Variants in CHD4 observed in about 807,000 individuals in gnomAD.
CHD4 encodes chromodomain helicase DNA binding protein 4.
In CHD4, 35 loss-of-function variants were observed where a neutral mutation model predicts 235.5. The ratio of observed to expected loss-of-function variants is 0.15; its 90% CI spans 0.11 to 0.20. The LOEUF is 0.20. Ranked by LOEUF, CHD4 falls within the 10% of genes least tolerant of loss-of-function variation. The pLI is 1.00. For synonymous variants in CHD4, 900 were observed against 850.2 expected, an observed-to-expected ratio of 1.06 and a Z score of -1.02; for missense variants, 1,329 against 2,432.3, an observed-to-expected ratio of 0.55 and a Z score of 9.54.
intron 2 of CHD4, among the ~76,000 whole-genome samples, chr12:6,605,261 G>GA (rs1169510517): frequency 9.9e-5 from 15 of 152,008 alleles, no homozygotes; most frequent in African/African-American, 3.6e-4. Context: ...ACTAGAAGCA[G>GA]AAGGAATGAA....
intron 37 of CHD4, among the ~76,000 whole-genome samples, chr12:6,573,628 TA>T (rs1473641736): frequency 6.6e-6 from 1 of 152,240 alleles, no homozygotes; most frequent in Non-Finnish European, 1.5e-5. Context: ...GTTTTTTACA[TA>T]ACTGAGATCA....
At chr12:6,599,195 G>A (rs938588993) in intron 10 of CHD4, among the ~76,000 whole-genome samples, 3 of 152,182 alleles carry the variant, frequency 2.0e-5, no homozygotes, top group African/African-American at 4.8e-5. Context: ...ACTTAATGAG[G>A]ACAAGGGAGC....
In CHD4 at chr12:6,600,516, T is replaced by C. The variant is rs1368244231; in HGVS notation, c.1063+18A>G. 9 of 1,517,700 alleles carry C rather than the reference T, an allele frequency of 5.9e-6. No individual in the cohort carries two copies. The highest frequency in any genetic ancestry group is 8.0e-6 in the Non-Finnish European group (9 of 1,122,598). The allele number at this position is 1,517,700 out of a possible 1,614,324, so 94.0% of individuals were successfully genotyped here. A position where few individuals can be genotyped will look rare whatever the true frequency, so the allele number is the denominator to read the frequency against. ...CTCCCACCTCATCCCATCACAAATA[T>C]ACAGAAGAGAAACACACCTTTCTTT... On this transcript the variant is annotated intron_variant, in intron 8 of 39. Transcript: ENST00000544040.
At chr12:6,572,895 G>T in intron 38 of CHD4, 179 bp downstream of exon 38, 4 of 538,938 alleles carry the variant, frequency 7.4e-6, no homozygotes, top group Non-Finnish European at 1.2e-5. Context: ...AAAAGGCAAA[G>T]AACTACTGTC....
At position 6,606,223 on chromosome 12, in the gene CHD4, G is replaced by A. The variant is rs377091231; in HGVS notation, c.100+51C>T. 205 of 1,261,378 alleles carry A rather than the reference G, an allele frequency of 1.6e-4. 2 individuals carry two copies. Among genetic ancestry groups the A allele is most frequent in the South Asian group, 1.5e-3 (119 of 78,170 alleles). The allele number at this position is 1,261,378 out of a possible 1,614,324, so 78.1% of individuals were successfully genotyped here. On this transcript the variant is annotated intron_variant, in intron 2 of 39. Coordinates refer to ENST00000544040, the MANE Select transcript of CHD4 (RefSeq NM_001273.5). Reference sequence around the variant, plus strand: ...CTGCCTCACCAGAGGAGTCACTCGGGAGAGCCCCAGATGTCTCCTTCCCGC... The same window carrying A: ...CTGCCTCACCAGAGGAGTCACTCGGAAGAGCCCCAGATGTCTCCTTCCCGC...
rs980812283 is a variant in CHD4 at position 6,593,340 on chromosome 12, G to A, written c.2514+76C>T. ...AGGGTTACCCTTTTGCCTCACCAGG[G>A]ACCAGATCACAAGGAGGTAAACTAA... On this transcript the variant is annotated intron_variant, in intron 16 of 39. Coordinates refer to ENST00000544040, the MANE Select transcript of CHD4 (RefSeq NM_001273.5). The surrounding 1 kb of genome is among the most constrained non-coding windows in gnomAD (Gnocchi z 4.9). 1.9e-6 allele frequency: 3 copies of A among 1,597,220 alleles called. No individual in the cohort carries two copies. Among genetic ancestry groups the A allele is most frequent in the African/African-American group, 1.3e-5 (1 of 74,650 alleles).
At chr12:6,580,749 C>T (rs1280471232) in intron 33 of CHD4, 1 of 327,036 alleles carries the variant, frequency 3.1e-6, no homozygotes, top group African/African-American at 2.3e-5. Flanking sequence ...TGGCTCATGC[C>T]TGTAATCCCA....
At chr12:6,589,486 C>T (rs1948354864) in intron 22 of CHD4, among the ~76,000 whole-genome samples, 1 of 152,090 alleles carries the variant, frequency 6.6e-6, no homozygotes, top group Non-Finnish European at 1.5e-5. Context: ...GACACATCAT[C>T]GACTGGGCGT....
At chr12:6,591,173 A>G (rs1470219882) in intron 22 of CHD4, 1 of 224,244 alleles carries the variant, frequency 4.5e-6, no homozygotes, top group Non-Finnish European at 8.7e-6. Context: ...CTACTGAGGC[A>G]GACAAGTCTG....
In CHD4 at chr12:6,602,002, C is replaced by A; in HGVS notation, c.396G>T (p.Arg132=). 6.2e-7 allele frequency: 1 copy of A among 1,610,892 alleles called. No homozygotes were observed. ...CATCCTCCTCCTCCTCCTCCTCCTT[C>A]CGCTTGGATTTGCTCTTCTTCTCTT... is the stretch of plus-strand genomic sequence containing the variant. ...PKKEKKSKSK[R]KEEEEEEDDD... Residue 132 remains arginine (R), a synonymous_variant, in exon 4 of 40, where the codon CGG becomes CGT. Transcript: ENST00000544040.
Position 6,598,014 on chromosome 12 carries a change from TCAC to T in CHD4, c.1769_1771del (p.Gly590del). Reference sequence around the variant, plus strand: ...CTTTCGCTTTCGGCTTTTCTCTTCATCACCACCAAAGTCCCCAGAAGGTGGCTC... The same window carrying T: ...CTTTCGCTTTCGGCTTTTCTCTTCATCACCAAAGTCCCCAGAAGGTGGCTC... On this transcript the variant is annotated inframe_deletion, in exon 12 of 40. Transcript: ENST00000544040. 6.2e-6 allele frequency: 10 copies of T among 1,614,230 alleles called. No homozygotes were observed. The highest frequency in any genetic ancestry group is 7.6e-6 in the Non-Finnish European group (9 of 1,180,046).
chr12:6,597,803 A>G, intron 12 of CHD4, 91 bp downstream of exon 12: 1 of 1,147,732 alleles, frequency 8.7e-7, no homozygotes, highest in South Asian at 1.3e-5. Flanking sequence ...GTGTCTTCCA[A>G]GTCTAAGTTA....
At chr12:6,574,820 A>G (rs1948040445) in intron 37 of CHD4, among the ~76,000 whole-genome samples, 2 of 152,158 alleles carry the variant, frequency 1.3e-5, no homozygotes, top group Admixed American at 6.5e-5. Context: ...TTTCAGTCTC[A>G]CTCATTCTGT....
intron 6 of CHD4, 51 bp from the exon 7 acceptor site, chr12:6,601,104 A>G: frequency 6.6e-7 from 1 of 1,525,470 alleles, no homozygotes; most frequent in South Asian, 1.3e-5. Context: ...AGATGGGGAA[A>G]ATAAAATCTT....
intron 24 of CHD4, 76 bp downstream of exon 24, chr12:6,587,636 C>T: frequency 6.2e-7 from 1 of 1,605,648 alleles, no homozygotes; most frequent in Non-Finnish European, 8.5e-7. Context: ...CCACAAGACC[C>T]TTGGTATCAA....
At chr12:6,585,814 G>T (rs997734370) in intron 25 of CHD4, among the ~76,000 whole-genome samples, 30 of 150,270 alleles carry the variant, frequency 2.0e-4, no homozygotes, top group African/African-American at 7.1e-4. Flanking sequence ...CACACACAAA[G>T]AGGCCAGGCG....
intron 15 of CHD4, among the ~76,000 whole-genome samples, chr12:6,594,211 T>C (rs1193120116): frequency 6.6e-6 from 1 of 152,182 alleles, no homozygotes; most frequent in Non-Finnish European, 1.5e-5. Context: ...TGATACTCTA[T>C]GGATCCACTG....
At position 6,593,428 on chromosome 12, in the gene CHD4, G is replaced by T. The variant is rs749373617; in HGVS notation, c.2502C>A (p.Ala834=). The change falls in exon 16 of 40, where the codon GCC becomes GCA. Residue 834 remains alanine, a synonymous_variant. Transcript: ENST00000544040. This position sits in a 1 kb window ranked among gnomAD's most constrained non-coding sequence, Gnocchi z 4.9. ...EDNAIRGGKK[A]SRMKKEASVK... ...TCCCCTGAGATACCTTCATGCGGGA[G>T]GCCTTCTTGCCACCACGAATGGCAT... The T allele has an allele frequency of 9.9e-6, 16 of 1,614,094 alleles. No homozygotes were observed. Among genetic ancestry groups the T allele is most frequent in the Non-Finnish European group, 1.4e-5 (16 of 1,179,978 alleles).
At position 6,600,718 on chromosome 12, in the gene CHD4, G is replaced by A. The variant is rs752716138; in HGVS notation, c.928-49C>T. 17 of 1,605,690 alleles carry A rather than the reference G, an allele frequency of 1.1e-5. No individual in the cohort carries two copies. The Admixed American group carries it at 2.7e-4, about 26-fold the overall frequency. ...GTTAGACGTTCAAGCCAAGGGGAAG[G>A]ACAGAGTGGCAGAGAGGGGAGTACT... On this transcript the variant is annotated intron_variant, in intron 7 of 39. Coordinates refer to ENST00000544040, the MANE Select transcript of CHD4 (RefSeq NM_001273.5).
Sources: gnomAD v4.1 joint callset for allele counts (sites outside exome capture counted in the v4.1 genomes callset) on GRCh38, gnomAD v4.1.1 for gene constraint, Gnocchi (gnomAD v3.1) non-coding constraint, MANE v1.5 for transcripts, NCBI Gene and HGNC (gene_info 2026-07-23, HGNC 2026-07-21) for gene names.